The following ADH7 variants were observed in gnomAD, a reference collection of about 807,000 sequenced individuals.
ADH7 encodes the protein alcohol dehydrogenase 7 (class IV), mu or sigma polypeptide, also known as all-trans-retinol dehydrogenase [NAD(+)] ADH7.
ADH7 carries 41 observed loss-of-function variants against 34.4 expected under a neutral mutation model. The observed-to-expected ratio is 1.19, with a 90% CI of 0.93 to 1.55. ADH7 has a LOEUF of 1.55. Ranked by LOEUF, ADH7 falls within the 40% of genes most tolerant of loss-of-function variation. The pLI is 0.00. For missense variants in ADH7, 540 were observed against 461.2 expected (o/e 1.17, Z -1.56); for synonymous variants, 180 against 160.9 (o/e 1.12, Z -0.90).
intron 3 of ADH7, 41 bp downstream of exon 3, chr4:99,428,451 G>T: frequency 6.3e-7 from 1 of 1,595,468 alleles, no homozygotes; most frequent in Non-Finnish European, 8.5e-7. Flanking sequence ...GCTAATCAAA[G>T]CCTAATTATT....
At chr4:99,415,785 T>C (rs914058114) in intron 7 of ADH7, 169 bp from the exon 8 acceptor site, 3 of 601,118 alleles carry the variant, frequency 5.0e-6, no homozygotes, top group Non-Finnish European at 8.0e-6. Context: ...ACAAAAGTTA[T>C]GCAGCCATAA....
Position 99,427,917 on chromosome 4 carries a change from G to A in ADH7, c.420C>T (p.Phe140=), listed in dbSNP as rs760759023. The part of the protein sequence containing the change: ...FTCKGKPVHH[F]MNTSTFTEYT... ...ACTCGGTAAATGTACTGGTGTTCATGAAGTGGTGGACTGGTTTGCCCTTGC... is the reference window on the plus strand; with the variant it reads ...ACTCGGTAAATGTACTGGTGTTCATAAAGTGGTGGACTGGTTTGCCCTTGC... The change falls in exon 5 of 9, where the codon TTC becomes TTT. Residue 140 remains phenylalanine (F), a synonymous_variant. Transcript: ENST00000437033. The A allele has an allele frequency of 6.2e-7, 1 of 1,614,028 alleles. No homozygotes were observed. The highest frequency in any genetic ancestry group is 2.2e-5 in the East Asian group (1 of 44,882).
intron 5 of ADH7, among the ~76,000 whole-genome samples, chr4:99,426,613 C>T (rs1721811343): frequency 6.6e-6 from 1 of 152,116 alleles, no homozygotes; most frequent in Non-Finnish European, 1.5e-5. Flanking sequence ...GGATTCACAG[C>T]CGAATTCTAC....
Position 99,435,326 on chromosome 4 carries a change from C to T in ADH7, c.-93G>A. 11 of 1,548,880 alleles carry T rather than the reference C, an allele frequency of 7.1e-6. No individual in the cohort carries two copies. Among genetic ancestry groups the T allele is most frequent in the Non-Finnish European group, 9.8e-6 (11 of 1,127,716 alleles). On this transcript the variant is annotated 5_prime_UTR_variant, in exon 1 of 9. Coordinates refer to ENST00000437033, the MANE Select transcript of ADH7 (RefSeq NM_000673.7). ...TGTTGTATATAACAGCAGCTTGTGCCTTCACATAGATAGTCTGGCTTCAGA... is the reference window on the plus strand; with the variant it reads ...TGTTGTATATAACAGCAGCTTGTGCTTTCACATAGATAGTCTGGCTTCAGA...
chr4:99,423,780 C>A (rs1450619426), intron 5 of ADH7, among the ~76,000 whole-genome samples: 2 of 151,860 alleles, frequency 1.3e-5, no homozygotes, highest in African/African-American at 2.4e-5. Context: ...GGATATTAGC[C>A]CTTTGTCAGA....
intron 8 of ADH7, among the ~76,000 whole-genome samples, chr4:99,414,692 C>T (rs1174538950): frequency 6.6e-6 from 1 of 152,102 alleles, no homozygotes. Flanking sequence ...GGAGGTTTGA[C>T]CAGTTATTTA....
chr4:99,429,680 C>T (rs758832211), intron 1 of ADH7, 47 bp from the exon 2 acceptor site: 6 of 1,330,310 alleles, frequency 4.5e-6, no homozygotes, highest in African/African-American at 4.3e-5. Flanking sequence ...ATGCCTTTAA[C>T]TTACAGACTC....
intron 5 of ADH7, among the ~76,000 whole-genome samples, chr4:99,424,200 G>A (rs771169651): frequency 6.9e-4 from 105 of 152,238 alleles, no homozygotes; most frequent in Non-Finnish European, 1.3e-3. Flanking sequence ...GATATGTGGC[G>A]TTATTTCTGA....
In ADH7 at chr4:99,428,486, A is replaced by G; in HGVS notation, c.259+6T>C. On this transcript the variant is annotated splice_donor_region_variant and intron_variant, in intron 3 of 8. Transcript: ENST00000437033. ...TTCAAACTTGTGGTTTGACACCTGC[A>G]TATACCTGGTTTCACTGTAGTCACT... 6.2e-7 allele frequency: 1 copy of G among 1,611,130 alleles called. No homozygotes were observed. Among genetic ancestry groups the G allele is most frequent in the Non-Finnish European group, 8.5e-7 (1 of 1,179,148 alleles).
chr4:99,431,191 T>C (rs981864388), intron 1 of ADH7, among the ~76,000 whole-genome samples: 12 of 151,826 alleles, frequency 7.9e-5, no homozygotes, highest in Admixed American at 7.9e-4. Context: ...TGCTTAAGAG[T>C]GATAGAAAAA....
intron 7 of ADH7, among the ~76,000 whole-genome samples, chr4:99,418,172 CTT>C (rs1054973296): frequency 1.3e-5 from 2 of 152,128 alleles, no homozygotes; most frequent in African/African-American, 4.8e-5. Flanking sequence ...AAAAACTCCT[CTT>C]ATAATTTGTT....
intron 5 of ADH7, among the ~76,000 whole-genome samples, chr4:99,427,013 C>A (rs1251580036): frequency 6.6e-6 from 1 of 152,116 alleles, no homozygotes; most frequent in African/African-American, 2.4e-5. Flanking sequence ...TTCAACAATG[C>A]TTCATGCTAA....
intron 7 of ADH7, among the ~76,000 whole-genome samples, chr4:99,417,147 T>A (rs544657341): frequency 6.6e-6 from 1 of 152,048 alleles, no homozygotes; most frequent in African/African-American, 2.4e-5. Context: ...GTATTCCCCA[T>A]AGAGCAGCCA....
chr4:99,428,023 T>C, intron 4 of ADH7, 34 bp from the exon 5 acceptor site: 2 of 1,612,916 alleles, frequency 1.2e-6, no homozygotes, highest in Non-Finnish European at 1.7e-6. Flanking sequence ...TATTAATTAA[T>C]TCAATTCAAA....
chr4:99,423,563 T>C (rs544981431), intron 5 of ADH7, among the ~76,000 whole-genome samples: 17 of 152,066 alleles, frequency 1.1e-4, no homozygotes, highest in East Asian at 7.8e-4. Flanking sequence ...TTTTAATGAT[T>C]GCCATTCTAA....
At chr4:99,428,657 C>T in intron 2 of ADH7, 27 bp from the exon 3 acceptor site, 1 of 1,602,260 alleles carries the variant, frequency 6.2e-7, no homozygotes, top group South Asian at 1.1e-5. Flanking sequence ...AAACATTGCA[C>T]CAATCAACAA....
intron 5 of ADH7, among the ~76,000 whole-genome samples, chr4:99,424,171 C>A (rs1426655286): frequency 6.6e-6 from 1 of 152,048 alleles, no homozygotes; most frequent in Non-Finnish European, 1.5e-5. Context: ...TCAGGTTTGT[C>A]AAAGATCAGA....
At chr4:99,416,114 A>G (rs926375278) in intron 7 of ADH7, among the ~76,000 whole-genome samples, 9 of 152,304 alleles carry the variant, frequency 5.9e-5, no homozygotes, top group African/African-American at 2.2e-4. Context: ...CGTTCTGCAC[A>G]TGTATCCCAG....
chr4:99,430,910 C>T (rs1187606676), intron 1 of ADH7, among the ~76,000 whole-genome samples: 2 of 152,098 alleles, frequency 1.3e-5, no homozygotes, highest in African/African-American at 4.8e-5. Flanking sequence ...GAGTCCCCTG[C>T]CTCAGCCACC....
Sources: gnomAD v4.1 joint callset for allele counts (sites outside exome capture counted in the v4.1 genomes callset) on GRCh38, gnomAD v4.1.1 for gene constraint, MANE v1.5 for transcripts, NCBI Gene and HGNC (gene_info 2026-07-23, HGNC 2026-07-21) for gene names.